Variants in DAB1 observed in about 807,000 individuals in gnomAD.
DAB1 encodes disabled homolog 1.
A neutral mutation model predicts 64.6 loss-of-function variants in DAB1; 15 were observed. The observed-to-expected ratio is 0.23, with a 90% CI of 0.16 to 0.36. The LOEUF (loss-of-function observed/expected upper bound fraction) is 0.36. Among genes scored for constraint, DAB1 ranks in the 10% least tolerant of loss-of-function variants. The pLI is 1.00. For missense variants in DAB1, 596 were observed against 706.7 expected (o/e 0.84, Z 1.78); for synonymous variants, 235 against 251.9 (o/e 0.93, Z 0.64).
At chr1:58,161,479 T>C (rs988374304) in intron 4 of DAB1, among the ~76,000 whole-genome samples, 3 of 152,158 alleles carry the variant, frequency 2.0e-5, no homozygotes, top group African/African-American at 7.2e-5. Flanking sequence ...CAAAACTATA[T>C]TGCAGCTGAA....
intron 9 of DAB1, among the ~76,000 whole-genome samples, chr1:57,030,579 G>A (rs925489829): frequency 6.6e-6 from 1 of 152,200 alleles, no homozygotes; most frequent in African/African-American, 2.4e-5. Flanking sequence ...TGGTGGACAA[G>A]GGCAAGGTTG....
chr1:57,588,819 CTG>C (rs914232565), intron 7 of DAB1, among the ~76,000 whole-genome samples: 2 of 152,130 alleles, frequency 1.3e-5, no homozygotes, highest in African/African-American at 2.4e-5. Flanking sequence ...TATTTTAAAA[CTG>C]GGGAAAAGGA....
At chr1:57,262,874 C>G (rs996925961) in intron 2 of DAB1, among the ~76,000 whole-genome samples, 4 of 152,144 alleles carry the variant, frequency 2.6e-5, no homozygotes, top group Non-Finnish European at 5.9e-5. Flanking sequence ...AAGTGAAAAC[C>G]CACCTCTCAG....
At chr1:57,114,556 A>G (rs1655943754) in intron 4 of DAB1, among the ~76,000 whole-genome samples, 1 of 152,228 alleles carries the variant, frequency 6.6e-6, no homozygotes. Context: ...TGGGGCTCTG[A>G]CAAGAAGTCA....
chr1:57,899,942 T>TA (rs1049562558), intron 5 of DAB1, among the ~76,000 whole-genome samples: 1 of 151,566 alleles, frequency 6.6e-6, no homozygotes, highest in Admixed American at 6.6e-5. Flanking sequence ...TTTTTCTTTT[T>TA]TTTTTTTATT....
Position 57,589,697 on chromosome 1 carries a change from C to A in DAB1, n.625+59895G>T, listed in dbSNP as rs574522377. ...ACTTGAATCCAGGAGGGGGAGGTTGCAATGAGCCGAAATCATGACACTGCA... is the reference window on the plus strand; with the variant it reads ...ACTTGAATCCAGGAGGGGGAGGTTGAAATGAGCCGAAATCATGACACTGCA... On this transcript the variant is annotated intron_variant and non_coding_transcript_variant, in intron 7 of 20. Transcript: ENST00000485760. 3.3e-5 allele frequency among the ~76,000 whole-genome samples: 5 copies of A among 152,068 alleles called. No individual in the cohort carries two copies. In the East Asian group the frequency reaches 9.7e-4, roughly 29 times the overall value.
At chr1:57,921,197 T>C (rs752433686) in intron 5 of DAB1, among the ~76,000 whole-genome samples, 1 of 152,156 alleles carries the variant, frequency 6.6e-6, no homozygotes, top group African/African-American at 2.4e-5. Context: ...TAAGCTGCAG[T>C]AGAGGGCATA....
chr1:58,386,991 CAGA>C (rs1292496903), intron 3 of DAB1, among the ~76,000 whole-genome samples: 1 of 152,140 alleles, frequency 6.6e-6, no homozygotes, highest in Non-Finnish European at 1.5e-5. Context: ...ATCCGGGAGG[CAGA>C]AGTTGTGGTG....
intron 13 of DAB1, 41 bp downstream of exon 13, chr1:57,011,104 T>G (rs1347427352): frequency 6.2e-7 from 1 of 1,612,590 alleles, no homozygotes; most frequent in Admixed American, 1.7e-5. Context: ...AGGTCTTAAT[T>G]TTAAGGAAAA....
chr1:57,835,247 G>C (rs573835023), intron 1 of DAB1, among the ~76,000 whole-genome samples: 1 of 152,180 alleles, frequency 6.6e-6, no homozygotes, highest in East Asian at 1.9e-4. Flanking sequence ...GGTCAGAAAG[G>C]CATCTGACAT....
chr1:57,046,406 C>T (rs1272624244), intron 9 of DAB1, among the ~76,000 whole-genome samples: 1 of 152,198 alleles, frequency 6.6e-6, no homozygotes. Context: ...TCCCCATGAT[C>T]ATTTATTTAG....
intron 2 of DAB1, among the ~76,000 whole-genome samples, chr1:57,242,931 G>A (rs1210971642): frequency 6.6e-6 from 1 of 152,164 alleles, no homozygotes; most frequent in Non-Finnish European, 1.5e-5. Flanking sequence ...AAAATTTCAA[G>A]GGCAATTTTA....
intron 7 of DAB1, among the ~76,000 whole-genome samples, chr1:57,549,165 C>T (rs891188713): frequency 6.6e-6 from 1 of 152,134 alleles, no homozygotes; most frequent in South Asian, 2.1e-4. Context: ...TGAGTTTCTA[C>T]ATCACTTTTC....
chr1:58,209,529 A>G (rs1045572845), intron 4 of DAB1, among the ~76,000 whole-genome samples: 1 of 151,452 alleles, frequency 6.6e-6, no homozygotes, highest in South Asian at 2.1e-4. Context: ...GAAAAGCATG[A>G]AAAAAAAAGC....
rs548874790 is a variant in DAB1, at chr1:57,119,581, G to A, written c.306+16962C>T. On this transcript the variant is annotated intron_variant, in intron 4 of 14. Coordinates refer to ENST00000371236, the MANE Select transcript of DAB1 (RefSeq NM_001365792.1). ...TTCTTATCAGTAAATCCTAATGGGT[G>A]GTACAAGCCAAAGACTCTTGAATGG... Among the ~76,000 whole-genome samples the A allele has an allele frequency of 6.6e-5, 10 of 152,292 alleles. 1 individual carries two copies. The highest frequency in any genetic ancestry group is 4.6e-4 in the Admixed American group (7 of 15,296).
chr1:57,528,866 A>G (rs1392406754), intron 7 of DAB1, among the ~76,000 whole-genome samples: 1 of 152,144 alleles, frequency 6.6e-6, no homozygotes, highest in East Asian at 1.9e-4. Flanking sequence ...ATTCAGGTAA[A>G]TTAAAATGGA....
At chr1:57,163,434 C>T (rs1224674997) in intron 2 of DAB1, among the ~76,000 whole-genome samples, 1 of 151,982 alleles carries the variant, frequency 6.6e-6, no homozygotes, top group African/African-American at 2.4e-5. Context: ...AGTATGATCA[C>T]AGCAGAGCAA....
intron 6 of DAB1, among the ~76,000 whole-genome samples, chr1:57,678,577 C>A (rs1409702101): frequency 3.9e-5 from 6 of 151,934 alleles, no homozygotes; most frequent in Non-Finnish European, 8.8e-5. Flanking sequence ...AGAGATGGGA[C>A]CTCAGGGGGT....
rs114327879 is a variant in DAB1 at position 57,812,289 on chromosome 1, T to C, written n.551+71710A>G. Among the ~76,000 whole-genome samples, 308 of 121,254 alleles carry C rather than the reference T, an allele frequency of 2.5e-3. 1 individual carries two copies. Among genetic ancestry groups the C allele is most frequent in the African/African-American group, 9.0e-3 (285 of 31,748 alleles). The allele number at this position is 121,254 out of a possible 152,430, so 79.5% of individuals were successfully genotyped here. On this transcript the variant is annotated intron_variant and non_coding_transcript_variant, in intron 6 of 20. Coordinates refer to the DAB1 transcript ENST00000485760. ...TCTCCTTTCCAGCCACCCAAGTCCC[T>C]GAAAAAACACACAACCTGGGATTCA...
Sources: allele counts gnomAD v4.1 joint callset (sites outside exome capture counted in the v4.1 genomes callset), GRCh38; gene constraint gnomAD v4.1.1; transcripts MANE v1.5; gene names NCBI Gene and HGNC (gene_info 2026-07-23, HGNC 2026-07-21).